The following TAF4 variants were observed in gnomAD, a reference collection of about 807,000 sequenced individuals.
TAF4 encodes TATA-box binding protein associated factor 4.
TAF4 carries 9 observed loss-of-function variants against 90.3 expected under a neutral mutation model. The ratio of observed to expected loss-of-function variants is 0.10; its 90% CI spans 0.06 to 0.17. The LOEUF (loss-of-function observed/expected upper bound fraction) is 0.17, where lower values mean the gene tolerates loss of function less well. Ranked by LOEUF, TAF4 falls within the 10% of genes least tolerant of loss-of-function variation. The probability of loss-of-function intolerance (pLI) is 1.00; values close to 1 mark genes in which losing one functional copy is unlikely to be tolerated. For synonymous variants in TAF4, 818 were observed against 638.9 expected (o/e 1.28, Z -4.23); for missense variants, 1,351 against 1,370.7 (o/e 0.99, Z 0.23).
At position 62,006,344 on chromosome 20, in the gene TAF4, C is replaced by T; in HGVS notation, c.2223+166G>A. The stretch of plus-strand genomic sequence containing the variant: ...AAATACAACATCCCAGGGCCTCAAC[C>T]TCTGGTTTCTATTTTAACTATTTAA... On this transcript the variant is annotated intron_variant, in intron 7 of 14. Coordinates refer to ENST00000252996, the MANE Select transcript of TAF4 (RefSeq NM_003185.4). The surrounding 1 kb of genome is among the most constrained non-coding windows in gnomAD (Gnocchi z 7.0). 2.0e-6 allele frequency: 2 copies of T among 981,912 alleles called. No homozygotes were observed. Among genetic ancestry groups the T allele is most frequent in the Non-Finnish European group, 2.7e-6 (2 of 752,886 alleles). The allele number at this position is 981,912 out of a possible 1,614,324, so 60.8% of individuals were successfully genotyped here. A position where few individuals can be genotyped will look rare whatever the true frequency, so the allele number is the denominator to read the frequency against.
Position 62,065,684 on chromosome 20 carries a change from G to A in TAF4, c.127C>T (p.Leu43Phe), listed in dbSNP as rs759867658. The A allele has an allele frequency of 5.0e-6, 6 of 1,199,160 alleles. No homozygotes were observed. In the South Asian group the frequency reaches 1.1e-4, roughly 22 times the overall value. 74.3% of individuals were successfully genotyped at this position (1,199,160 alleles called of 1,614,324 possible). Reference protein sequence around the residue: ...LAASAAHHHHLAPRTPEVRAA... With the variant: ...LAASAAHHHHFAPRTPEVRAA... ...CGCACCTCGGGCGTGCGCGGCGCGA[G>A]GTGGTGGTGGTGGGCCGCGCTGGCC... The change falls in exon 1 of 15, where the codon CTC becomes TTC. Residue 43 changes from leucine to phenylalanine, a missense_variant. By Grantham distance (22) the Leu-to-Phe change is conservative. This residue lies in a region of TAF4 where 782 missense variants were observed against 536.6 expected (regional missense o/e 1.46). Coordinates refer to ENST00000252996, the MANE Select transcript of TAF4 (RefSeq NM_003185.4).
At chr20:62,001,279 T>TC (rs2055700753) in intron 9 of TAF4, among the ~76,000 whole-genome samples, 1 of 151,850 alleles carries the variant, frequency 6.6e-6, no homozygotes, top group Non-Finnish European at 1.5e-5. Context: ...TAGGACCCGG[T>TC]CCCAGCAGCG....
chr20:62,043,782 C>T (rs1405288799), intron 1 of TAF4, among the ~76,000 whole-genome samples: 1 of 152,238 alleles, frequency 6.6e-6, no homozygotes, highest in Non-Finnish European at 1.5e-5. Flanking sequence ...GCTGTGCCAT[C>T]CAGGTTTGTG....
rs1280118864 is a variant in TAF4 at position 62,065,003 on chromosome 20, G to A, written c.808C>T (p.Pro270Ser). 4 of 275,886 alleles carry A rather than the reference G, an allele frequency of 1.4e-5. No homozygotes were observed. The highest frequency in any genetic ancestry group is 2.1e-5 in the Non-Finnish European group (4 of 192,616). 17.1% of individuals were successfully genotyped at this position (275,886 alleles called of 1,614,324 possible). A position where few individuals can be genotyped will look rare whatever the true frequency, so the allele number is the denominator to read the frequency against. ...APAPAAPAAA[P>S]PPPPPAPATL... ...GCGGGCGCGGGGGGTGGCGGGGGCG[G>A]GGCGGCGGCGGGGGCGGCGGGCGCG... Residue 270 changes from proline (P) to serine (S), a missense_variant, in exon 1 of 15, where the codon CCG (proline) becomes TCG (serine). Pro to Ser is a moderately conservative substitution (Grantham distance 74). Around this residue, in one of 9 missense-constraint regions of TAF4, gnomAD observed 782 missense variants for 536.6 expected, o/e 1.46. Transcript: ENST00000252996.
chr20:62,000,043 G>A (rs930535174), intron 11 of TAF4, 81 bp downstream of exon 11: 48 of 1,593,866 alleles, frequency 3.0e-5, no homozygotes, highest in Admixed American at 2.2e-4. Context: ...CCTCTGCCTC[G>A]GTGTGGGGAG....
At chr20:62,057,587 G>A (rs879589410) in intron 1 of TAF4, among the ~76,000 whole-genome samples, 1 of 152,196 alleles carries the variant, frequency 6.6e-6, no homozygotes, top group Non-Finnish European at 1.5e-5. Context: ...GATGCCCAGT[G>A]GGGGACACAA....
chr20:62,051,519 G>C (rs748529000), intron 1 of TAF4, among the ~76,000 whole-genome samples: 6 of 152,088 alleles, frequency 3.9e-5, no homozygotes, highest in African/African-American at 7.2e-5. Flanking sequence ...CCTGCAGCAT[G>C]AGTCCCATCC....
chr20:62,064,004 A>AG (rs1316616880), intron 1 of TAF4, among the ~76,000 whole-genome samples: 1 of 152,220 alleles, frequency 6.6e-6, no homozygotes, highest in Non-Finnish European at 1.5e-5. Flanking sequence ...CACACGCCTA[A>AG]CTGCAGAACT....
rs1189147860 is a variant in TAF4, at chr20:62,014,553, G to A, written c.1515C>T (p.Thr505=). 6 of 1,612,672 alleles carry A rather than the reference G, an allele frequency of 3.7e-6. No homozygotes were observed. Among genetic ancestry groups the A allele is most frequent in the Non-Finnish European group, 4.2e-6 (5 of 1,179,512 alleles). The change falls in exon 2 of 15, where the codon ACC becomes ACT. Residue 505 remains threonine (T), a synonymous_variant. Transcript: ENST00000252996. ...PTSAPPVQIS[T]VQAPGTPIIA... The stretch of plus-strand genomic sequence containing the variant: ...AGGGCACACGTGCACTCACCTGTAC[G>A]GTGGAGATCTGGACGGGAGGGGCAC...
At chr20:62,009,235 T>A (rs1024741666) in intron 4 of TAF4, 61 bp from the exon 5 acceptor site, 1 of 1,503,214 alleles carries the variant, frequency 6.7e-7, no homozygotes, top group Admixed American at 2.1e-5. Flanking sequence ...TGTCACAGCC[T>A]TTGGTTACTA....
intron 1 of TAF4, among the ~76,000 whole-genome samples, chr20:62,015,433 A>G (rs2055807002): frequency 6.6e-6 from 1 of 152,228 alleles, no homozygotes; most frequent in Admixed American, 6.5e-5. Flanking sequence ...AAACAGCAAC[A>G]CAATTGTCCA....
intron 11 of TAF4, 145 bp from the exon 12 acceptor site, chr20:61,999,253 G>T: frequency 9.7e-7 from 1 of 1,035,296 alleles, no homozygotes; most frequent in Non-Finnish European, 1.4e-6. Context: ...CTCCCACCCT[G>T]CAAATGCTGC....
intron 1 of TAF4, among the ~76,000 whole-genome samples, chr20:62,031,597 C>A (rs1025632645): frequency 3.3e-5 from 5 of 152,300 alleles, no homozygotes; most frequent in African/African-American, 1.2e-4. Flanking sequence ...CTCCCAGCCT[C>A]CCCCTACCCT....
chr20:62,002,589 G>T (rs1007743096), intron 9 of TAF4, among the ~76,000 whole-genome samples: 2 of 152,140 alleles, frequency 1.3e-5, no homozygotes, highest in Admixed American at 1.3e-4. Flanking sequence ...CTCCTGGGCA[G>T]AAGTGATCCT....
rs573046547 is a variant in TAF4, at chr20:61,995,585, C to T, written c.3090+1965G>A. Among the ~76,000 whole-genome samples the T allele has an allele frequency of 1.9e-4, 3 of 15,500 alleles. 1 individual carries two copies. The East Asian group carries it at 5.2e-3, about 27-fold the overall frequency. 10.2% of individuals were successfully genotyped at this position (15,500 alleles called of 152,430 possible). The stretch of plus-strand genomic sequence containing the variant: ...TTGAAATGGAAAAAAAAATTTGAGC[C>T]GGGCGCGGTGGCTCACGCCTGTAAT... On this transcript the variant is annotated intron_variant, in intron 14 of 14. Transcript: ENST00000252996.
At chr20:61,981,789 C>A (rs890656142) in intron 14 of TAF4, among the ~76,000 whole-genome samples, 2 of 148,048 alleles carry the variant, frequency 1.4e-5, no homozygotes, top group Admixed American at 6.7e-5. Flanking sequence ...CCCACACCCA[C>A]CCGAGAGGAG....
rs1234119799 is a variant in TAF4, at chr20:62,013,904, CGGGT to C, written c.1521+639_1521+642del. Among the ~76,000 whole-genome samples, 845 of 116,104 alleles carry C rather than the reference CGGGT, an allele frequency of 7.3e-3. 8 individuals are homozygous for C. The highest frequency in any genetic ancestry group is 0.024 in the African/African-American group (768 of 31,900). The allele number at this position is 116,104 out of a possible 152,430, so 76.2% of individuals were successfully genotyped here. ...GGAGCTTCGGCCCTGAAGGCTGACG[CGGGT>C]GTGTGTGTGTGTGTGTGTGTGTGTG... On this transcript the variant is annotated intron_variant, in intron 2 of 14. Coordinates refer to ENST00000252996, the MANE Select transcript of TAF4 (RefSeq NM_003185.4).
chr20:61,976,443 T>C (rs1436047214), intron 14 of TAF4, 108 bp from the exon 15 acceptor site: 2 of 1,320,316 alleles, frequency 1.5e-6, no homozygotes, highest in East Asian at 2.3e-5. Context: ...AGGCCAGGCC[T>C]GGCACGGGCT....
At chr20:62,017,894 G>T (rs1306452581) in intron 1 of TAF4, among the ~76,000 whole-genome samples, 1 of 151,520 alleles carries the variant, frequency 6.6e-6, no homozygotes, top group Admixed American at 6.6e-5. Context: ...AAAAAAAAAA[G>T]TATTAACAAA....
Sources: gnomAD v4.1 joint callset for allele counts (sites outside exome capture counted in the v4.1 genomes callset) on GRCh38, gnomAD v4.1.1 for gene constraint, gnomAD v4.1.1 regional missense constraint, Gnocchi (gnomAD v3.1) non-coding constraint, MANE v1.5 for transcripts, NCBI Gene and HGNC (gene_info 2026-07-23, HGNC 2026-07-21) for gene names.